CNTNAP2: variants seen among roughly 807,000 people sequenced by gnomAD.
CNTNAP2 encodes the protein contactin associated protein 2.
In CNTNAP2, 98 loss-of-function variants were observed where a neutral mutation model predicts 155.2. That is an observed-to-expected ratio of 0.63 (90% confidence interval 0.54 to 0.75). The LOEUF (loss-of-function observed/expected upper bound fraction) is 0.75. Among genes scored for constraint, CNTNAP2 ranks in the 30% least tolerant of loss-of-function variants. The pLI, the probability that CNTNAP2 is intolerant of heterozygous loss-of-function variation, is 0.00. For missense variants in CNTNAP2, 1,727 were observed against 1,688.1 expected (o/e 1.02, Z -0.40); for synonymous variants, 651 against 631.2 (o/e 1.03, Z -0.47).
chr7:146,220,465 A>G (rs1799188776), intron 1 of CNTNAP2, among the ~76,000 whole-genome samples: 1 of 152,226 alleles, frequency 6.6e-6, no homozygotes, highest in Non-Finnish European at 1.5e-5. Context: ...AGCCACAGCA[A>G]CTTCTTAACT....
chr7:147,835,172 G>A (rs542676757), intron 13 of CNTNAP2, among the ~76,000 whole-genome samples: 3 of 152,216 alleles, frequency 2.0e-5, no homozygotes, highest in African/African-American at 7.2e-5. Context: ...AGAGGTCAGG[G>A]AAGGCCCCAC....
chr7:148,117,544 G>A (rs552715544), intron 15 of CNTNAP2, among the ~76,000 whole-genome samples: 190 of 152,316 alleles, frequency 1.2e-3, no homozygotes, highest in Non-Finnish European at 2.4e-3. Context: ...AGAGGTGGAT[G>A]AAAAGCAAGA....
At chr7:146,855,363 T>C (rs1172943364) in intron 3 of CNTNAP2, among the ~76,000 whole-genome samples, 1 of 152,090 alleles carries the variant, frequency 6.6e-6, no homozygotes, top group Non-Finnish European at 1.5e-5. Context: ...TCCAATAACA[T>C]AAAAAGTCAT....
chr7:146,646,706 G>A (rs552992749), intron 1 of CNTNAP2, among the ~76,000 whole-genome samples: 2 of 152,174 alleles, frequency 1.3e-5, no homozygotes, highest in East Asian at 3.9e-4. Context: ...GACTTGCCTG[G>A]CCAGTATCTA....
At chr7:147,803,268 T>G (rs959555285) in intron 13 of CNTNAP2, among the ~76,000 whole-genome samples, 1 of 152,162 alleles carries the variant, frequency 6.6e-6, no homozygotes, top group Non-Finnish European at 1.5e-5. Context: ...TCTCTGTGGA[T>G]AGTCCAGTGT....
At chr7:146,176,035 C>A (rs982150213) in intron 1 of CNTNAP2, among the ~76,000 whole-genome samples, 1 of 152,078 alleles carries the variant, frequency 6.6e-6, no homozygotes, top group African/African-American at 2.4e-5. Context: ...GTTATTGCTA[C>A]CCTTGGGGAA....
intron 1 of CNTNAP2, among the ~76,000 whole-genome samples, chr7:146,521,871 A>T (rs1474212639): frequency 6.6e-6 from 1 of 152,042 alleles, no homozygotes; most frequent in Non-Finnish European, 1.5e-5. Flanking sequence ...TCTAAAATAC[A>T]TTCAAAGGCT....
At chr7:147,319,067 G>A (rs1171790735) in intron 9 of CNTNAP2, among the ~76,000 whole-genome samples, 2 of 152,106 alleles carry the variant, frequency 1.3e-5, no homozygotes, top group Admixed American at 6.5e-5. Context: ...GTTACTTACA[G>A]TTACTAATAA....
At chr7:148,167,382 G>T (rs544609192) in intron 17 of CNTNAP2, among the ~76,000 whole-genome samples, 1 of 152,150 alleles carries the variant, frequency 6.6e-6, no homozygotes, top group African/African-American at 2.4e-5. Context: ...CAGATGATCT[G>T]CCCGCCTTGG....
In CNTNAP2 at chr7:147,544,645, G is replaced by A. The variant is rs148069795; in HGVS notation, c.1778-17493G>A. Among the ~76,000 whole-genome samples the A allele has an allele frequency of 7.2e-3, 1,098 of 151,636 alleles. 12 individuals carry two copies. The highest frequency in any genetic ancestry group is 0.025 in the African/African-American group (1,036 of 41,304). On this transcript the variant is annotated intron_variant, in intron 11 of 23. Transcript: ENST00000361727. ...TTCTCTATTAATATTATATATATAT[G>A]TGATAAGATTTGGCTGTGTGCCCAC...
intron 1 of CNTNAP2, among the ~76,000 whole-genome samples, chr7:146,127,032 A>G (rs564242617): frequency 6.6e-6 from 1 of 152,282 alleles, no homozygotes; most frequent in South Asian, 2.1e-4. Flanking sequence ...TTGTTATAGT[A>G]CTGCATTTCT....
At chr7:146,582,429 C>T (rs1374027878) in intron 1 of CNTNAP2, among the ~76,000 whole-genome samples, 1 of 152,102 alleles carries the variant, frequency 6.6e-6, no homozygotes, top group Non-Finnish European at 1.5e-5. Flanking sequence ...ACCCCAAAGA[C>T]ATAGGCTATC....
At chr7:147,480,285 C>A (rs953022059) in intron 10 of CNTNAP2, among the ~76,000 whole-genome samples, 1 of 152,182 alleles carries the variant, frequency 6.6e-6, no homozygotes, top group Non-Finnish European at 1.5e-5. Flanking sequence ...ATGGGCCAAT[C>A]ATTTACAAAA....
chr7:146,924,543 T>C (rs914542528), intron 3 of CNTNAP2, among the ~76,000 whole-genome samples: 1 of 152,142 alleles, frequency 6.6e-6, no homozygotes, highest in South Asian at 2.1e-4. Flanking sequence ...AGGAGACTTC[T>C]TGGTGATGTC....
chr7:147,638,597 C>A lies in CNTNAP2; in HGVS notation c.1898-509C>A, dbSNP rs77249701. Among the ~76,000 whole-genome samples the A allele has an allele frequency of 8.4e-3, 1,277 of 152,246 alleles. 15 individuals carry two copies. Among genetic ancestry groups the A allele is most frequent in the Non-Finnish European group, 0.011 (764 of 68,018 alleles). On this transcript the variant is annotated intron_variant, in intron 12 of 23. Transcript: ENST00000361727. ...ATTTCAATAGCAGAGAATGCAATGTCTAATTTTGCCTAAAAGGTCAGTGTG... is the reference window on the plus strand; with the variant it reads ...ATTTCAATAGCAGAGAATGCAATGTATAATTTTGCCTAAAAGGTCAGTGTG...
intron 10 of CNTNAP2, among the ~76,000 whole-genome samples, chr7:147,474,187 G>A (rs1233370970): frequency 6.6e-6 from 1 of 151,826 alleles, no homozygotes; most frequent in Non-Finnish European, 1.5e-5. Flanking sequence ...GGAATCCAGG[G>A]CTGGCAGCTA....
At chr7:147,996,877 C>A (rs1376000939) in intron 15 of CNTNAP2, among the ~76,000 whole-genome samples, 2 of 152,096 alleles carry the variant, frequency 1.3e-5, no homozygotes, top group Non-Finnish European at 2.9e-5. Flanking sequence ...TTTTGTCTTT[C>A]CAAAATTTAT....
intron 2 of CNTNAP2, among the ~76,000 whole-genome samples, chr7:146,824,469 T>C (rs1803360590): frequency 6.6e-6 from 1 of 152,140 alleles, no homozygotes; most frequent in Non-Finnish European, 1.5e-5. Context: ...CCACACTGTG[T>C]TCCACAATGG....
At chr7:147,030,637 A>G (rs1799012444) in intron 3 of CNTNAP2, among the ~76,000 whole-genome samples, 1 of 152,164 alleles carries the variant, frequency 6.6e-6, no homozygotes. Context: ...GTTCGCTTAT[A>G]AATGTAGAAT....
Sources: gnomAD v4.1 joint callset for allele counts (sites outside exome capture counted in the v4.1 genomes callset) on GRCh38, gnomAD v4.1.1 for gene constraint, MANE v1.5 for transcripts, NCBI Gene and HGNC (gene_info 2026-07-23, HGNC 2026-07-21) for gene names.